CCNY: variants seen among roughly 807,000 people sequenced by gnomAD.
The protein encoded by CCNY is cyclin-Y.
Under a neutral mutation model 42.8 loss-of-function variants are expected in CCNY, and 19 were observed. That is an observed-to-expected ratio of 0.44 (90% confidence interval 0.31 to 0.65). The LOEUF (loss-of-function observed/expected upper bound fraction) is 0.65. CCNY is among the 30% of genes least tolerant of loss of function. The pLI is 0.07. For missense variants in CCNY, 370 were observed against 437.3 expected, an observed-to-expected ratio of 0.85 and a Z score of 1.37; for synonymous variants, 165 against 162.7, an observed-to-expected ratio of 1.01 and a Z score of -0.11.
chr10:35,266,715 T>A (rs370287782), intron 3 of CCNY, among the ~76,000 whole-genome samples: 1 of 152,166 alleles, frequency 6.6e-6, no homozygotes, highest in Non-Finnish European at 1.5e-5. Flanking sequence ...TCTTATTTTT[T>A]ACTTGTATAG....
At chr10:35,295,269 T>C (rs1835458325) in intron 3 of CCNY, among the ~76,000 whole-genome samples, 1 of 151,882 alleles carries the variant, frequency 6.6e-6, no homozygotes, top group Non-Finnish European at 1.5e-5. Flanking sequence ...TTTGCTCTTG[T>C]TGCCCAGGCT....
chr10:35,406,029 G>A (rs1391777720), intron 1 of CCNY, among the ~76,000 whole-genome samples: 1 of 152,086 alleles, frequency 6.6e-6, no homozygotes, highest in African/African-American at 2.4e-5. Flanking sequence ...AGATGTGGCT[G>A]GGGTTTGTCT....
chr10:35,265,151 C>G (rs1427241868), intron 3 of CCNY, among the ~76,000 whole-genome samples: 2 of 152,124 alleles, frequency 1.3e-5, no homozygotes, highest in Non-Finnish European at 2.9e-5. Flanking sequence ...TGTGTCTCTA[C>G]TTTTAACAAA....
At chr10:35,366,861 A>C (rs569016366) in intron 1 of CCNY, among the ~76,000 whole-genome samples, 2 of 152,244 alleles carry the variant, frequency 1.3e-5, no homozygotes, top group South Asian at 4.1e-4. Context: ...TTAAAGAATA[A>C]ATTTAGATAG....
rs929501214 is a variant in CCNY at position 35,465,779 on chromosome 10, C to T, written c.155-17625C>T. On this transcript the variant is annotated intron_variant, in intron 1 of 9. Transcript: ENST00000374704. ...AAATCCAGCTCTGCGTGAGGCCCGT[C>T]GAAATCTCACCTGCTCTGTGCAGTC... 5.3e-5 allele frequency among the ~76,000 whole-genome samples: 8 copies of T among 152,224 alleles called. No homozygotes were observed. The South Asian group carries it at 8.3e-4, about 16-fold the overall frequency.
At chr10:35,523,110 A>C (rs996588957) in intron 4 of CCNY, among the ~76,000 whole-genome samples, 1 of 152,208 alleles carries the variant, frequency 6.6e-6, no homozygotes, top group South Asian at 2.1e-4. Context: ...TAGGTTGTCA[A>C]CCAACAGAAA....
chr10:35,444,160 G>C (rs1664056434), intron 1 of CCNY, among the ~76,000 whole-genome samples: 2 of 147,112 alleles, frequency 1.4e-5, no homozygotes, highest in Non-Finnish European at 3.1e-5. Context: ...AGCACTCATG[G>C]AGCTGTTATC....
At chr10:35,459,765 A>G (rs950259557) in intron 1 of CCNY, among the ~76,000 whole-genome samples, 1 of 152,176 alleles carries the variant, frequency 6.6e-6, no homozygotes, top group Admixed American at 6.5e-5. Context: ...AGGTTGAGGA[A>G]TGGGCAGATA....
intron 1 of CCNY, among the ~76,000 whole-genome samples, chr10:35,357,187 T>TGCCCCTGCCCAA (rs1554779886): frequency 1.6e-5 from 2 of 128,518 alleles, no homozygotes; most frequent in African/African-American, 5.9e-5. Context: ...CCCCTGCCCC[T>TGCCCCTGCCCAA]GCCCCAGCCC....
chr10:35,534,516 G>A (rs1012893035), intron 7 of CCNY, among the ~76,000 whole-genome samples: 4 of 152,216 alleles, frequency 2.6e-5, no homozygotes, highest in African/African-American at 9.6e-5. Flanking sequence ...AGAAGAGATC[G>A]AGGTGGCAAA....
At chr10:35,302,705 G>C (rs1835552757) in intron 3 of CCNY, among the ~76,000 whole-genome samples, 2 of 152,084 alleles carry the variant, frequency 1.3e-5, no homozygotes, top group Non-Finnish European at 2.9e-5. Context: ...AAAAATCTGT[G>C]GCTGAACAAT....
chr10:35,299,948 T>C (rs1020717250), intron 3 of CCNY, among the ~76,000 whole-genome samples: 5 of 152,258 alleles, frequency 3.3e-5, no homozygotes, highest in African/African-American at 1.2e-4. Context: ...GTTTACAGAA[T>C]ACATCTTCAG....
intron 3 of CCNY, among the ~76,000 whole-genome samples, chr10:35,307,575 AT>A (rs1289406575): frequency 1.3e-5 from 2 of 152,008 alleles, no homozygotes; most frequent in Non-Finnish European, 2.9e-5. Flanking sequence ...ACGAGGCACA[AT>A]TCAGATCTTT....
Position 35,355,571 on chromosome 10 carries a change from G to A in CCNY, c.154+18364G>A, listed in dbSNP as rs138231549. 5.3e-5 allele frequency among the ~76,000 whole-genome samples: 8 copies of A among 151,098 alleles called. No individual in the cohort carries two copies. In the East Asian group the frequency reaches 5.9e-4, roughly 11 times the overall value. ...CGCATGCCTGTAGTCCCAGCTACTC[G>A]GGAGGCTGAGGCAGAAGAATCGCTT... On this transcript the variant is annotated intron_variant, in intron 1 of 9. Transcript: ENST00000374704.
intron 1 of CCNY, among the ~76,000 whole-genome samples, chr10:35,378,010 A>G (rs1837092356): frequency 6.6e-6 from 1 of 152,236 alleles, no homozygotes; most frequent in East Asian, 1.9e-4. Context: ...TTAAGATAAC[A>G]TGGATATTCT....
chr10:35,490,334 C>T (rs2135377208), intron 2 of CCNY, among the ~76,000 whole-genome samples: 1 of 152,236 alleles, frequency 6.6e-6, no homozygotes, highest in South Asian at 2.1e-4. Context: ...TTTTGCCTAT[C>T]ACACCTGTTT....
At chr10:35,534,448 A>G (rs1182281232) in intron 7 of CCNY, among the ~76,000 whole-genome samples, 1 of 152,184 alleles carries the variant, frequency 6.6e-6, no homozygotes, top group African/African-American at 2.4e-5. Context: ...TGGGAGAGGG[A>G]GAAAGAGAGG....
chr10:35,361,976 A>C lies in CCNY; in HGVS notation c.154+24769A>C, dbSNP rs552604900. On this transcript the variant is annotated intron_variant, in intron 1 of 9. Transcript: ENST00000374704. ...GCACACCTGACACTTTTGCTTTCTG[A>C]TGGTTCACTGTACACACATTTGTTT... Among the ~76,000 whole-genome samples the C allele has an allele frequency of 3.9e-5, 6 of 152,346 alleles. 1 individual carries two copies. The South Asian group carries it at 1.2e-3, about 32-fold the overall frequency.
At chr10:35,537,345 T>G (rs1349954519) in intron 7 of CCNY, among the ~76,000 whole-genome samples, 1 of 152,006 alleles carries the variant, frequency 6.6e-6, no homozygotes, top group Non-Finnish European at 1.5e-5. Context: ...AAATGTGGGG[T>G]CAGAGCCCCC....
Sources: gnomAD v4.1 joint callset for allele counts (sites outside exome capture counted in the v4.1 genomes callset) on GRCh38, gnomAD v4.1.1 for gene constraint, MANE v1.5 for transcripts, NCBI Gene and HGNC (gene_info 2026-07-23, HGNC 2026-07-21) for gene names.